COA1: variants seen among roughly 807,000 people sequenced by gnomAD.
The protein encoded by COA1 is cytochrome c oxidase assembly factor 1.
A neutral mutation model predicts 16.0 loss-of-function variants in COA1; 13 were observed. The ratio of observed to expected loss-of-function variants is 0.81; its 90% CI spans 0.53 to 1.29. COA1 has a LOEUF of 1.29. Among genes scored for constraint, COA1 ranks in the 50% most tolerant of loss-of-function variants. The pLI is 0.00. For missense variants in COA1, 179 were observed against 177.0 expected (o/e 1.01, Z -0.06); for synonymous variants, 65 against 65.7 (o/e 0.99, Z 0.05).
chr7:43,719,915 A>G (rs1427994183), intron 1 of COA1, among the ~76,000 whole-genome samples: 1 of 152,214 alleles, frequency 6.6e-6, no homozygotes, highest in Non-Finnish European at 1.5e-5. Context: ...GAGAGGCCAC[A>G]TCACAGAACA....
intron 1 of COA1, chr7:43,649,502 C>T (rs2090321000): frequency 6.6e-6 from 1 of 152,258 alleles, no homozygotes; most frequent in Non-Finnish European, 1.5e-5. Context: ...AAGGTGGATA[C>T]ATATTTGTAC....
intron 6 of COA1, chr7:43,623,632 T>A (rs2084160638): frequency 6.2e-7 from 1 of 1,608,550 alleles, no homozygotes; most frequent in African/African-American, 1.3e-5. Context: ...TAAGAGTTAT[T>A]AATGAAAAAT....
intron 6 of COA1, chr7:43,633,504 G>A (rs545889228): frequency 2.0e-4 from 30 of 152,290 alleles, no homozygotes; most frequent in African/African-American, 6.7e-4. Flanking sequence ...TGTGGGTGAG[G>A]TTCATCGTGC....
intron 1 of COA1, among the ~76,000 whole-genome samples, chr7:43,709,022 A>G (rs2095109660): frequency 6.7e-6 from 1 of 149,368 alleles, no homozygotes; most frequent in African/African-American, 2.4e-5. Flanking sequence ...ATTATCTCCT[A>G]TAATCTTTTT....
chr7:43,701,419 T>C (rs961716158), intron 1 of COA1, among the ~76,000 whole-genome samples: 6 of 152,206 alleles, frequency 3.9e-5, no homozygotes, highest in Non-Finnish European at 1.5e-5. Flanking sequence ...TCCAGCTGCA[T>C]TCATGTTGCT....
chr7:43,627,974 TTTC>T (rs938548286), intron 6 of COA1, among the ~76,000 whole-genome samples: 2 of 152,102 alleles, frequency 1.3e-5, no homozygotes, highest in African/African-American at 4.8e-5. Context: ...TTTGTTGCTT[TTTC>T]TTGTTTTGTT....
At chr7:43,609,285 C>T (rs1324714864) in exon 7 of COA1, 1 of 152,254 alleles carries the variant, frequency 6.6e-6, no homozygotes, top group South Asian at 2.1e-4. Context: ...ACAGCTCTGT[C>T]CAAAGTTCTG....
At chr7:43,649,247 G>A (rs966520786) in intron 1 of COA1, 1 of 152,432 alleles carries the variant, frequency 6.6e-6, no homozygotes, top group Non-Finnish European at 1.5e-5. Flanking sequence ...CTGAGGCACA[G>A]AAAGGTTAAG....
Position 43,685,898 on chromosome 7 carries a change from GATT to G in COA1, c.-38-37249_-38-37247del, listed in dbSNP as rs2093999925. ...TCACCAAGAAATTTCTATAAAATCTGATTATTTGCTAAAAATAATAAATCACTA... is the reference window on the plus strand; with the variant it reads ...TCACCAAGAAATTTCTATAAAATCTGATTTGCTAAAAATAATAAATCACTA... On this transcript the variant is annotated intron_variant, in intron 1 of 5. Transcript: ENST00000223336. Among the ~76,000 whole-genome samples the G allele has an allele frequency of 2.6e-5, 4 of 152,102 alleles. No homozygotes were observed. In the South Asian group the frequency reaches 8.3e-4, roughly 32 times the overall value.
intron 1 of COA1, among the ~76,000 whole-genome samples, chr7:43,693,031 C>T (rs554072882): frequency 1.6e-4 from 25 of 152,244 alleles, no homozygotes; most frequent in South Asian, 4.1e-4. Context: ...GGAAATGGTA[C>T]GTTTACAAGC....
At chr7:43,642,342 CAGG>C (rs2087392811) in intron 4 of COA1, among the ~76,000 whole-genome samples, 1 of 152,114 alleles carries the variant, frequency 6.6e-6, no homozygotes, top group Non-Finnish European at 1.5e-5. Context: ...CCCAGCTACT[CAGG>C]AGAGTGAGGC....
chr7:43,651,725 G>A (rs540616192), intron 1 of COA1, among the ~76,000 whole-genome samples: 2 of 150,608 alleles, frequency 1.3e-5, no homozygotes, highest in East Asian at 3.9e-4. Flanking sequence ...GGCCAGGTGC[G>A]GTGGCTCACG....
chr7:43,727,663 C>T (rs998533057), intron 1 of COA1, among the ~76,000 whole-genome samples: 1 of 152,142 alleles, frequency 6.6e-6, no homozygotes. Context: ...GTCAAATATA[C>T]AGTCAGTCAA....
rs1411426097 is a variant in COA1 at position 43,627,975 on chromosome 7, TTCTTG to T, written c.*133+11469_*133+11473del. ...GCTTATATCAGCAGTTTGTTGCTTT[TTCTTG>T]TTTTGTTTTGTGTTGTGTTGTTGAG... On this transcript the variant is annotated intron_variant and NMD_transcript_variant, in intron 6 of 6. Transcript: ENST00000415076. Among the ~76,000 whole-genome samples, 16 of 152,168 alleles carry T rather than the reference TTCTTG, an allele frequency of 1.1e-4. No homozygotes were observed. The East Asian group carries it at 1.5e-3, about 15-fold the overall frequency.
At chr7:43,612,154 T>G (rs1287833042) in intron 6 of COA1, among the ~76,000 whole-genome samples, 1 of 152,200 alleles carries the variant, frequency 6.6e-6, no homozygotes, top group Non-Finnish European at 1.5e-5. Context: ...TGACAGGCCT[T>G]TGATGTTGGA....
chr7:43,630,398 A>G (rs1385837449), intron 6 of COA1, among the ~76,000 whole-genome samples: 1 of 152,192 alleles, frequency 6.6e-6, no homozygotes, highest in Non-Finnish European at 1.5e-5. Flanking sequence ...CTCAGTTTCA[A>G]TACATTGTGA....
chr7:43,664,128 A>AGAGAGAGAGAGAGT (rs963621045), intron 1 of COA1, among the ~76,000 whole-genome samples: 1 of 147,934 alleles, frequency 6.8e-6, no homozygotes, highest in African/African-American at 2.5e-5. Flanking sequence ...AGAGAGAGAG[A>AGAGAGAGAGAGAGT]GAGTCTTGCT....
intron 6 of COA1, among the ~76,000 whole-genome samples, chr7:43,630,674 TAGTTACAGACTTACAGGG>T (rs2153038568): frequency 6.6e-6 from 1 of 152,294 alleles, no homozygotes; most frequent in African/African-American, 2.4e-5. Flanking sequence ...GATTTCGCAA[TAGTTACAGACTTACAGGG>T]AGTTGAAAAG....
chr7:43,666,807 T>C (rs550013120), intron 1 of COA1, among the ~76,000 whole-genome samples: 1 of 152,282 alleles, frequency 6.6e-6, no homozygotes, highest in Admixed American at 6.5e-5. Context: ...AAGTATATAA[T>C]TAAAACTGCT....
Sources: gnomAD v4.1 joint callset for allele counts (sites outside exome capture counted in the v4.1 genomes callset) on GRCh38, gnomAD v4.1.1 for gene constraint, MANE v1.5 for transcripts, NCBI Gene and HGNC (gene_info 2026-07-23, HGNC 2026-07-21) for gene names.